The following XKRX variants were observed in gnomAD, a reference collection of about 807,000 sequenced individuals.
XKRX encodes XK related X-linked, also known as XK-related protein 2.
XKRX carries 11 observed loss-of-function variants against 22.4 expected under a neutral mutation model. The ratio of observed to expected loss-of-function variants is 0.49; its 90% CI spans 0.31 to 0.81. The LOEUF (loss-of-function observed/expected upper bound fraction) is 0.81, where lower values mean the gene tolerates loss of function less well. XKRX is among the 40% of genes least tolerant of loss of function. XKRX has a pLI of 0.05. For synonymous variants in XKRX, 114 were observed against 132.2 expected (o/e 0.86, Z 0.94); for missense variants, 320 against 336.5 (o/e 0.95, Z 0.38).
At chrX:100,904,664 T>C in the XKRX span, among the ~76,000 whole-genome samples, 576 of 112,224 alleles carry the variant, frequency 5.1e-3, 14 homozygotes, top group East Asian at 0.097. Flanking sequence ...TGTTTAATCC[T>C]ACTCTCCTGG....
the XKRX span, among the ~76,000 whole-genome samples, chrX:100,897,593 ATGTG>A: frequency 0.036 from 2,411 of 66,368 alleles, 82 homozygotes; most frequent in African/African-American, 0.073. Context: ...AAATATATAT[ATGTG>A]TGTGTGTGTG....
intron 2 of XKRX, among the ~76,000 whole-genome samples, chrX:100,917,420 C>T (rs1186625721): frequency 9.2e-6 from 1 of 108,597 alleles, no homozygotes; most frequent in Admixed American, 1.0e-4. Flanking sequence ...GAGTTCAAGA[C>T]CAGCCTGACC....
downstream of XKRX, among the ~76,000 whole-genome samples, chrX:100,912,124 G>A (rs1973021808): frequency 8.9e-6 from 1 of 111,799 alleles, no homozygotes; most frequent in African/African-American, 3.2e-5. Flanking sequence ...TGCTGCTCTT[G>A]ATTTTACTTG....
chrX:100,904,477 C>A, the XKRX span, among the ~76,000 whole-genome samples: 1 of 112,267 alleles, frequency 8.9e-6, no homozygotes, highest in South Asian at 3.7e-4. Context: ...AAGGTATGAT[C>A]CATGGAATAA....
chrX:100,887,292 C>T, the XKRX span, among the ~76,000 whole-genome samples: 2 of 109,256 alleles, frequency 1.8e-5, no homozygotes, highest in Non-Finnish European at 3.8e-5. Flanking sequence ...CTTTACACAG[C>T]ACATTAAAAA....
chrX:100,954,843 GAT>G, the XKRX span, among the ~76,000 whole-genome samples: 3 of 112,350 alleles, frequency 2.7e-5, no homozygotes, highest in African/African-American at 9.7e-5. Context: ...CCATTTATAT[GAT>G]ATGTCCAAAA....
intron 2 of XKRX, among the ~76,000 whole-genome samples, chrX:100,919,578 C>T (rs1282884280): frequency 9.0e-6 from 1 of 111,457 alleles, no homozygotes; most frequent in Non-Finnish European, 1.9e-5. Context: ...AAAAAGACAA[C>T]CCACTAGAAA....
the XKRX span, among the ~76,000 whole-genome samples, chrX:100,892,588 G>A: frequency 8.9e-6 from 1 of 112,752 alleles, no homozygotes; most frequent in East Asian, 2.8e-4. Context: ...GTCCACCATC[G>A]CTAATCATCA....
rs1390204757 is a variant in XKRX, at chrX:100,914,197, G to A, written c.*141C>T. ...AGAAAATAAAACCTATTTGGGAGTT[G>A]CTCTTTCTTCTGATAGGCTTAACAG... is the stretch of plus-strand genomic sequence containing the variant. On this transcript the variant is annotated 3_prime_UTR_variant, in exon 3 of 3. Coordinates refer to ENST00000372956, the MANE Select transcript of XKRX (RefSeq NM_212559.3). The A allele has an allele frequency of 1.4e-6, 1 of 706,937 alleles. No individual in the cohort carries two copies. Among genetic ancestry groups the A allele is most frequent in the African/African-American group, 2.1e-5 (1 of 46,835 alleles). 58.3% of individuals were successfully genotyped at this position (706,937 alleles called of 1,213,427 possible).
chrX:100,936,340 A>G, the XKRX span, among the ~76,000 whole-genome samples: 1 of 108,972 alleles, frequency 9.2e-6, no homozygotes, highest in Admixed American at 9.9e-5. Flanking sequence ...CAGGAGTACA[A>G]GACCAGCCTG....
the XKRX span, among the ~76,000 whole-genome samples, chrX:100,939,027 G>A: frequency 9.0e-6 from 1 of 111,724 alleles, no homozygotes; most frequent in East Asian, 2.8e-4. Context: ...TGTATGTGCT[G>A]ATATGAAACA....
upstream of XKRX, among the ~76,000 whole-genome samples, chrX:100,933,847 AATG>A (rs1440634435): frequency 1.8e-5 from 2 of 111,702 alleles, no homozygotes; most frequent in African/African-American, 3.3e-5. Flanking sequence ...AGGGGAATAT[AATG>A]ATATTATTTA....
chrX:100,916,444 C>G (rs2085436396), intron 2 of XKRX, among the ~76,000 whole-genome samples: 1 of 111,901 alleles, frequency 8.9e-6, no homozygotes. Flanking sequence ...TGAGAAGTCA[C>G]TAACGTGAGA....
At chrX:100,908,933 A>G (rs56313209), downstream of XKRX, among the ~76,000 whole-genome samples, 1,313 of 110,741 alleles carry the variant, frequency 0.012, 19 homozygotes, top group African/African-American at 0.041. Flanking sequence ...GAGGGGCACT[A>G]TTCTCTACTG....
chrX:100,904,326 C>T, the XKRX span, among the ~76,000 whole-genome samples: 2 of 111,606 alleles, frequency 1.8e-5, no homozygotes, highest in South Asian at 7.5e-4. Context: ...AACACCCAGA[C>T]CTTACACCCT....
chrX:100,899,419 GGGGGAGGATC>G, the XKRX span, among the ~76,000 whole-genome samples: 1 of 112,215 alleles, frequency 8.9e-6, no homozygotes, highest in Non-Finnish European at 1.9e-5. Context: ...AGAGGTTGAG[GGGGGAGGATC>G]ACTGGCGCCT....
upstream of XKRX, among the ~76,000 whole-genome samples, chrX:100,929,593 T>C (rs778762577): frequency 1.4e-4 from 15 of 111,063 alleles, no homozygotes; most frequent in South Asian, 5.8e-3. Context: ...CCAGATAATA[T>C]CATGAAGGGG....
At chrX:100,935,365 C>A in the XKRX span, among the ~76,000 whole-genome samples, 4 of 110,477 alleles carry the variant, frequency 3.6e-5, no homozygotes, top group Non-Finnish European at 7.6e-5. Flanking sequence ...TGGGAGCCAG[C>A]GACCCAAAGC....
At chrX:100,900,919 A>G in the XKRX span, among the ~76,000 whole-genome samples, 4 of 107,758 alleles carry the variant, frequency 3.7e-5, no homozygotes, top group Non-Finnish European at 5.7e-5. Flanking sequence ...CCTCCCGAGT[A>G]GCTGGGACTA....
Sources: gnomAD v4.1 joint callset for allele counts (sites outside exome capture counted in the v4.1 genomes callset) on GRCh38, gnomAD v4.1.1 for gene constraint, MANE v1.5 for transcripts, NCBI Gene and HGNC (gene_info 2026-07-23, HGNC 2026-07-21) for gene names.